TRPM3: variants seen among roughly 807,000 people sequenced by gnomAD.
TRPM3 encodes transient receptor potential cation channel subfamily M member 3, also known as long transient receptor potential channel 3.
TRPM3 carries 77 observed loss-of-function variants against 181.2 expected under a neutral mutation model. The ratio of observed to expected loss-of-function variants is 0.42; its 90% CI spans 0.35 to 0.51. The LOEUF is 0.51. Among genes scored for constraint, TRPM3 ranks in the 20% least tolerant of loss-of-function variants. The pLI is 0.01. For synonymous variants in TRPM3, 745 were observed against 796.4 expected (o/e 0.94, Z 1.09); for missense variants, 1,759 against 2,196.7 (o/e 0.80, Z 3.98).
chr9:70,645,590 T>C (rs947107898), intron 9 of TRPM3, among the ~76,000 whole-genome samples: 6 of 150,068 alleles, frequency 4.0e-5, no homozygotes, highest in African/African-American at 1.5e-4. Context: ...ACATATAACC[T>C]AAAACCATAA....
chr9:71,320,441 A>C (rs1258088137), intron 1 of TRPM3, among the ~76,000 whole-genome samples: 1 of 152,170 alleles, frequency 6.6e-6, no homozygotes, highest in East Asian at 1.9e-4. Flanking sequence ...TGGCAGTAAG[A>C]AAATACCAAT....
At chr9:70,560,990 C>A (rs182858197) in intron 22 of TRPM3, among the ~76,000 whole-genome samples, 9 of 152,200 alleles carry the variant, frequency 5.9e-5, no homozygotes, top group Admixed American at 2.6e-4. Flanking sequence ...AATGGAACAC[C>A]AATGTTTGAT....
chr9:71,288,084 T>A (rs190894637), intron 1 of TRPM3, among the ~76,000 whole-genome samples: 34 of 152,176 alleles, frequency 2.2e-4, no homozygotes, highest in African/African-American at 7.5e-4. Flanking sequence ...ATATTTTTTG[T>A]TGGCTTGATG....
intron 19 of TRPM3, among the ~76,000 whole-genome samples, chr9:70,609,826 T>C (rs1168628850): frequency 2.0e-5 from 3 of 151,882 alleles, no homozygotes; most frequent in African/African-American, 7.3e-5. Context: ...GGGCTAAAAA[T>C]ACAGATGCAC....
intron 1 of TRPM3, among the ~76,000 whole-genome samples, chr9:71,358,964 C>T (rs1030503061): frequency 2.6e-5 from 4 of 152,122 alleles, no homozygotes; most frequent in Admixed American, 1.3e-4. Context: ...ATACATGGTT[C>T]TTTACGCATC....
At chr9:71,387,171 G>A (rs2092944722) in intron 1 of TRPM3, among the ~76,000 whole-genome samples, 1 of 152,028 alleles carries the variant, frequency 6.6e-6, no homozygotes, top group African/African-American at 2.4e-5. Flanking sequence ...TATCTAAAAG[G>A]GCAATGGTTT....
In TRPM3 at chr9:70,864,525, C is replaced by CAAAAAAA. The variant is rs71367234; in HGVS notation, c.178-21_178-15dup. Reference sequence around the variant, plus strand: ...GGATTTCTGAGCCTGAAAAAGAAAACAAAAAAAAAAAAAAAAGAAAAAAGA... The same window carrying CAAAAAAA: ...GGATTTCTGAGCCTGAAAAAGAAAACAAAAAAAAAAAAAAAAAAAAAAAGAAAAAAGA... On this transcript the variant is annotated splice_polypyrimidine_tract_variant and intron_variant, in intron 1 of 25. Coordinates refer to ENST00000677713, the MANE Select transcript of TRPM3 (RefSeq NM_001366145.2). 751 of 898,744 alleles carry CAAAAAAA rather than the reference C, an allele frequency of 8.4e-4. 3 individuals are homozygous for CAAAAAAA. Among genetic ancestry groups the CAAAAAAA allele is most frequent in the Middle Eastern group, 2.8e-3 (7 of 2,520 alleles). 55.7% of individuals were successfully genotyped at this position (898,744 alleles called of 1,614,324 possible).
At chr9:71,125,290 C>T (rs2073961731), upstream of TRPM3, among the ~76,000 whole-genome samples, 1 of 152,094 alleles carries the variant, frequency 6.6e-6, no homozygotes, top group Non-Finnish European at 1.5e-5. Flanking sequence ...TGGTTTTCTG[C>T]ACTGTCAGCC....
At chr9:71,275,517 CGTGTGT>C (rs1313640711) in intron 1 of TRPM3, among the ~76,000 whole-genome samples, 1 of 151,534 alleles carries the variant, frequency 6.6e-6, no homozygotes, top group African/African-American at 2.4e-5. Context: ...TGTATGTGTG[CGTGTGT>C]GTGTATGTGT....
intron 8 of TRPM3, among the ~76,000 whole-genome samples, chr9:70,697,181 G>C (rs2070799212): frequency 6.6e-6 from 1 of 152,160 alleles, no homozygotes; most frequent in African/African-American, 2.4e-5. Flanking sequence ...GTGGGAGAAT[G>C]CAAGTCCTCA....
intron 1 of TRPM3, among the ~76,000 whole-genome samples, chr9:71,031,975 T>TATATATATATATA (rs1173238056): frequency 0.042 from 329 of 7,890 alleles, 17 homozygotes; most frequent in South Asian, 0.096. Context: ...ATATATATTA[T>TATATATATATATA]ATATATATAT....
chr9:71,108,699 G>T (rs2070329810), intron 1 of TRPM3, among the ~76,000 whole-genome samples: 1 of 152,198 alleles, frequency 6.6e-6, no homozygotes, highest in Non-Finnish European at 1.5e-5. Flanking sequence ...AGGCAGAAAT[G>T]AGAGACTCCA....
intron 1 of TRPM3, among the ~76,000 whole-genome samples, chr9:71,216,078 C>A (rs1393354847): frequency 6.6e-6 from 1 of 152,188 alleles, no homozygotes; most frequent in African/African-American, 2.4e-5. Context: ...AAGTGAGAAT[C>A]TACTCCTTGA....
At chr9:71,200,179 G>A (rs2078682854) in intron 1 of TRPM3, among the ~76,000 whole-genome samples, 2 of 151,988 alleles carry the variant, frequency 1.3e-5, no homozygotes. Flanking sequence ...GTAGTTGAGT[G>A]GTTTTGAGTG....
chr9:71,300,483 T>C (rs1323106848), intron 1 of TRPM3, among the ~76,000 whole-genome samples: 1 of 152,154 alleles, frequency 6.6e-6, no homozygotes, highest in Admixed American at 6.6e-5. Context: ...AGAAGACTTA[T>C]ACACTTAACC....
chr9:71,399,522 TTTTG>T lies in TRPM3; in HGVS notation c.183+47127_183+47130del, dbSNP rs1474293011. On this transcript the variant is annotated intron_variant, in intron 1 of 24. Transcript: ENST00000357533. ...TATTCATTTTACTCCTTATATTTTC[TTTTG>T]TTTTTTTTTTTTTTTTTTTTGAGAA... 4.1e-5 allele frequency among the ~76,000 whole-genome samples: 4 copies of T among 97,646 alleles called. 1 individual carries two copies. The highest frequency in any genetic ancestry group is 8.8e-5 in the Non-Finnish European group (4 of 45,350). The allele number at this position is 97,646 out of a possible 152,430, so 64.1% of individuals were successfully genotyped here. A position where few individuals can be genotyped will look rare whatever the true frequency, so the allele number is the denominator to read the frequency against.
chr9:70,807,569 A>G (rs1421237320), intron 6 of TRPM3, among the ~76,000 whole-genome samples: 2 of 152,200 alleles, frequency 1.3e-5, no homozygotes, highest in African/African-American at 4.8e-5. Context: ...GGGAAATCAA[A>G]CAGTGATGCT....
At chr9:70,974,850 T>G (rs1006013407) in intron 1 of TRPM3, among the ~76,000 whole-genome samples, 3 of 145,766 alleles carry the variant, frequency 2.1e-5, no homozygotes, top group Non-Finnish European at 4.5e-5. Flanking sequence ...TCCACAGGAG[T>G]GATGGAACAT....
rs1204911731 is a variant in TRPM3, at chr9:70,974,844, C to T, written c.178-110333G>A. Among the ~76,000 whole-genome samples, 15 of 147,256 alleles carry T rather than the reference C, an allele frequency of 1.0e-4. 1 individual carries two copies. In the East Asian group the frequency reaches 2.6e-3, roughly 26 times the overall value. ...CAATTCAATATTGATTACAGTTCCA[C>T]AGGAGTGATGGAACATCAATTTTTT... is the stretch of plus-strand genomic sequence containing the variant. On this transcript the variant is annotated intron_variant, in intron 1 of 25. Transcript: ENST00000677713.
Sources: gnomAD v4.1 joint callset for allele counts (sites outside exome capture counted in the v4.1 genomes callset) on GRCh38, gnomAD v4.1.1 for gene constraint, MANE v1.5 for transcripts, NCBI Gene and HGNC (gene_info 2026-07-23, HGNC 2026-07-21) for gene names.